KLRG1: variants seen among roughly 807,000 people sequenced by gnomAD.
KLRG1 encodes killer cell lectin-like receptor subfamily G member 1.
Under a neutral mutation model 21.8 loss-of-function variants are expected in KLRG1, and 16 were observed. The observed-to-expected ratio is 0.73, with a 90% CI of 0.50 to 1.11. KLRG1 has a LOEUF of 1.11. Ranked by LOEUF, KLRG1 falls within the 50% of genes most tolerant of loss-of-function variation. The pLI is 0.00. For synonymous variants in KLRG1, 69 were observed against 75.9 expected (o/e 0.91, Z 0.47); for missense variants, 173 against 218.3 (o/e 0.79, Z 1.31).
chr12:9,168,959 C>G, the KLRG1 span: 2 of 1,613,176 alleles, frequency 1.2e-6, no homozygotes, highest in Non-Finnish European at 1.7e-6. Context: ...TTAGTGAACA[C>G]CTTCAATCCC....
At chr12:9,145,110 T>G in the KLRG1 span, among the ~76,000 whole-genome samples, 1 of 152,218 alleles carries the variant, frequency 6.6e-6, no homozygotes, top group Non-Finnish European at 1.5e-5. Context: ...TTGGGTCTGT[T>G]TTTTTAACTT....
chr12:9,168,283 G>A, the KLRG1 span, among the ~76,000 whole-genome samples: 3 of 152,140 alleles, frequency 2.0e-5, no homozygotes, highest in African/African-American at 7.2e-5. Flanking sequence ...ATAAATATTT[G>A]TGAGCAGATG....
chr12:8,959,687 ATTTATGTAGGCCTTAATTTT>A (rs1426472969), intron 1 of KLRG1, among the ~76,000 whole-genome samples: 8 of 152,032 alleles, frequency 5.3e-5, no homozygotes, highest in Non-Finnish European at 1.2e-4. Context: ...GTACAACTCT[ATTTATGTAGGCCTTAATTTT>A]TTTCAGCAAT....
the KLRG1 span, among the ~76,000 whole-genome samples, chr12:9,168,271 A>T: frequency 6.6e-6 from 1 of 152,222 alleles, no homozygotes; most frequent in South Asian, 2.1e-4. Flanking sequence ...CAATCCGAGC[A>T]TATAAATATT....
the KLRG1 span, chr12:9,099,556 A>G: frequency 2.5e-6 from 4 of 1,587,986 alleles, no homozygotes; most frequent in East Asian, 6.8e-5. Flanking sequence ...GGAAGCCATC[A>G]TAGGTTAATG....
chr12:9,133,251 G>A, the KLRG1 span, among the ~76,000 whole-genome samples: 1 of 152,086 alleles, frequency 6.6e-6, no homozygotes. Context: ...GATTAATTGG[G>A]TTCAGTCAAT....
At chr12:9,018,955 A>G in the KLRG1 span, among the ~76,000 whole-genome samples, 13 of 152,306 alleles carry the variant, frequency 8.5e-5, no homozygotes, top group African/African-American at 2.9e-4. Flanking sequence ...AAAAACTTCT[A>G]CCCAGCAAAG....
the KLRG1 span, chr12:9,098,540 G>A: frequency 2.6e-6 from 4 of 1,517,686 alleles, no homozygotes; most frequent in Non-Finnish European, 2.7e-6. Context: ...TACTTATCCA[G>A]TCATTTTTCC....
At chr12:9,073,742 T>A in the KLRG1 span, among the ~76,000 whole-genome samples, 2 of 152,222 alleles carry the variant, frequency 1.3e-5, no homozygotes, top group Non-Finnish European at 2.9e-5. Flanking sequence ...GGAGGTTGGA[T>A]GAATAAAGAC....
chr12:9,181,867 T>C, the KLRG1 span: 2 of 1,250,302 alleles, frequency 1.6e-6, no homozygotes, highest in Non-Finnish European at 2.2e-6. Context: ...TGGGAACTGT[T>C]GGGCAACTCA....
chr12:8,955,617 C>T (rs1400940637), intron 1 of KLRG1, among the ~76,000 whole-genome samples: 1 of 151,352 alleles, frequency 6.6e-6, no homozygotes, highest in Non-Finnish European at 1.5e-5. Flanking sequence ...GTCTTGAATT[C>T]CTGGGTTTGA....
the KLRG1 span, among the ~76,000 whole-genome samples, chr12:9,060,630 C>CA: frequency 6.6e-6 from 1 of 151,180 alleles, no homozygotes; most frequent in East Asian, 2.0e-4. Context: ...GACTCCATCT[C>CA]AAAAAACAAA....
At chr12:9,146,405 C>T in the KLRG1 span, among the ~76,000 whole-genome samples, 1 of 152,032 alleles carries the variant, frequency 6.6e-6, no homozygotes, top group Non-Finnish European at 1.5e-5. Context: ...TTGAAATTCT[C>T]ACTGCTCATA....
chr12:9,030,653 G>A, the KLRG1 span, among the ~76,000 whole-genome samples: 6 of 152,186 alleles, frequency 3.9e-5, no homozygotes, highest in South Asian at 6.2e-4. Context: ...TGATCTGCCC[G>A]CCTCGGCCTC....
the KLRG1 span, among the ~76,000 whole-genome samples, chr12:9,184,706 A>G: frequency 6.6e-6 from 1 of 152,218 alleles, no homozygotes; most frequent in Non-Finnish European, 1.5e-5. Flanking sequence ...TGGTCCCTTC[A>G]GTGCAACATG....
At chr12:9,151,767 T>C in the KLRG1 span, 1 of 946,942 alleles carries the variant, frequency 1.1e-6, no homozygotes, top group Non-Finnish European at 1.6e-6. Flanking sequence ...CAAATGGTCA[T>C]TCTCTGAAGA....
the KLRG1 span, among the ~76,000 whole-genome samples, chr12:9,030,960 A>G: frequency 5.8e-4 from 89 of 152,374 alleles, 1 homozygote; most frequent in Middle Eastern, 3.4e-3. Context: ...CAGTGAGCAC[A>G]CCAGATAGCA....
At chr12:9,055,401 C>T in the KLRG1 span, among the ~76,000 whole-genome samples, 1 of 152,170 alleles carries the variant, frequency 6.6e-6, no homozygotes, top group Non-Finnish European at 1.5e-5. Context: ...CCCAGATTGC[C>T]ATTACATTGC....
chr12:9,109,846 A>G, the KLRG1 span: 1 of 1,570,186 alleles, frequency 6.4e-7, no homozygotes, highest in Middle Eastern at 1.7e-4. Context: ...ATAATGCTTG[A>G]TGACTTTTCA....
Sources: allele counts gnomAD v4.1 joint callset (sites outside exome capture counted in the v4.1 genomes callset), GRCh38; gene constraint gnomAD v4.1.1; transcripts MANE v1.5; gene names NCBI Gene and HGNC (gene_info 2026-07-23, HGNC 2026-07-21).